The following EMP1 variants were observed in gnomAD, a reference collection of about 807,000 sequenced individuals.
EMP1 encodes the protein tumor-associated membrane protein.
A neutral mutation model predicts 15.7 loss-of-function variants in EMP1; 5 were observed. The ratio of observed to expected loss-of-function variants is 0.32; its 90% CI spans 0.17 to 0.67. The LOEUF (loss-of-function observed/expected upper bound fraction) is 0.67, where lower values mean the gene tolerates loss of function less well. EMP1 is among the 30% of genes least tolerant of loss of function. The probability of loss-of-function intolerance (pLI) is 0.74; values close to 1 mark genes in which losing one functional copy is unlikely to be tolerated. For missense variants in EMP1, 166 were observed against 194.2 expected (o/e 0.85, Z 0.86); for synonymous variants, 78 against 76.7 (o/e 1.02, Z -0.09).
rs142355474 is a variant in EMP1, at chr12:13,219,607, C to T, written c.*4916C>T. ...CTGCTATGAAGACATACTTGAGACTCGGTAATTTATATAGAAAAGAGGTTT... is the reference window on the plus strand; with the variant it reads ...CTGCTATGAAGACATACTTGAGACTTGGTAATTTATATAGAAAAGAGGTTT... On this transcript the variant is annotated 3_prime_UTR_variant, in exon 5 of 5. Transcript: ENST00000256951. The T allele has an allele frequency of 5.3e-5, 8 of 152,028 alleles. No homozygotes were observed. Among genetic ancestry groups the T allele is most frequent in the Admixed American group, 1.3e-4 (2 of 15,260 alleles). 9.4% of individuals were successfully genotyped at this position (152,028 alleles called of 1,614,324 possible).
In EMP1 at chr12:13,215,014, C is replaced by A; in HGVS notation, c.*323C>A. On this transcript the variant is annotated 3_prime_UTR_variant, in exon 5 of 5. Transcript: ENST00000256951. Reference sequence around the variant, plus strand: ...CCATCAGCTGCCACAACACCAGCCCCACTTCTGGGTCATGCACTGAGGTCC... The same window carrying A: ...CCATCAGCTGCCACAACACCAGCCCAACTTCTGGGTCATGCACTGAGGTCC... 1 of 326,326 alleles carries A rather than the reference C, an allele frequency of 3.1e-6. No individual in the cohort carries two copies. The highest frequency in any genetic ancestry group is 5.9e-6 in the Non-Finnish European group (1 of 168,098). The allele number at this position is 326,326 out of a possible 1,614,324, so 20.2% of individuals were successfully genotyped here. A position where few individuals can be genotyped will look rare whatever the true frequency, so the allele number is the denominator to read the frequency against.
chr12:13,209,842 G>T (rs985157344), intron 1 of EMP1, among the ~76,000 whole-genome samples: 2 of 152,146 alleles, frequency 1.3e-5, no homozygotes, highest in Non-Finnish European at 2.9e-5. Flanking sequence ...TGTGTGGGGG[G>T]ATTACTAATA....
At chr12:13,210,652 G>C (rs1006755086) in intron 1 of EMP1, among the ~76,000 whole-genome samples, 3 of 152,204 alleles carry the variant, frequency 2.0e-5, no homozygotes, top group African/African-American at 7.2e-5. Context: ...ACAAGGAGAA[G>C]GCACATTTGG....
In EMP1 at chr12:13,211,398, C is replaced by A; in HGVS notation, c.-42-71C>A. ...TCCTCATGTTAGCAGATAGCCCACACGTGTGGGAAAGCTGAGTCGTCTTAT... is the reference window on the plus strand; with the variant it reads ...TCCTCATGTTAGCAGATAGCCCACAAGTGTGGGAAAGCTGAGTCGTCTTAT... On this transcript the variant is annotated intron_variant, in intron 1 of 4. Coordinates refer to ENST00000256951, the MANE Select transcript of EMP1 (RefSeq NM_001423.3). This position sits in a 1 kb window ranked among gnomAD's most constrained non-coding sequence, Gnocchi z 4.7. The A allele has an allele frequency of 9.8e-7, 1 of 1,017,730 alleles. No homozygotes were observed. Among genetic ancestry groups the A allele is most frequent in the Non-Finnish European group, 1.5e-6 (1 of 656,004 alleles). The allele number at this position is 1,017,730 out of a possible 1,614,324, so 63.0% of individuals were successfully genotyped here.
At chr12:13,213,379 T>C in intron 2 of EMP1, 100 bp from the exon 3 acceptor site, 1 of 1,057,946 alleles carries the variant, frequency 9.5e-7, no homozygotes. Flanking sequence ...AAATAGAATG[T>C]CTTTATTAAA....
At chr12:13,212,136 C>G (rs1048327633) in intron 2 of EMP1, among the ~76,000 whole-genome samples, 4 of 152,024 alleles carry the variant, frequency 2.6e-5, no homozygotes, top group South Asian at 2.1e-4. Context: ...AAATTTTGAG[C>G]AAAGAGTAGC....
At chr12:13,198,344 T>C (rs930417660) in intron 1 of EMP1, among the ~76,000 whole-genome samples, 1 of 152,180 alleles carries the variant, frequency 6.6e-6, no homozygotes, top group African/African-American at 2.4e-5. Context: ...CACTGGTATA[T>C]TTTTTCCCCA....
At position 13,211,632 on chromosome 12, in the gene EMP1, C is replaced by G. The variant is rs373481556; in HGVS notation, c.78+44C>G. On this transcript the variant is annotated intron_variant, in intron 2 of 4. Coordinates refer to ENST00000256951, the MANE Select transcript of EMP1 (RefSeq NM_001423.3). This position sits in a 1 kb window ranked among gnomAD's most constrained non-coding sequence, Gnocchi z 4.7. ...TTCATTCATTCATTGAGAAATCATT[C>G]GAATATTTACATCAAGTGCACAAAA... 1 of 1,601,998 alleles carries G rather than the reference C, an allele frequency of 6.2e-7. No individual in the cohort carries two copies.
rs1201276848 is a variant in EMP1 at position 13,215,593 on chromosome 12, A to G, written c.*902A>G. 1 of 152,278 alleles carries G rather than the reference A, an allele frequency of 6.6e-6. No homozygotes were observed. Among genetic ancestry groups the G allele is most frequent in the African/African-American group, 2.4e-5 (1 of 41,472 alleles). The allele number at this position is 152,278 out of a possible 1,614,324, so 9.4% of individuals were successfully genotyped here. A position where few individuals can be genotyped will look rare whatever the true frequency, so the allele number is the denominator to read the frequency against. On this transcript the variant is annotated 3_prime_UTR_variant, in exon 5 of 5. Coordinates refer to ENST00000256951, the MANE Select transcript of EMP1 (RefSeq NM_001423.3). ...AATGCAGTCAGTGTTTCTTTTAAGT[A>G]TACAACAGGAGAGAGATGGACATGG...
At chr12:13,210,461 A>G (rs75279670) in intron 1 of EMP1, among the ~76,000 whole-genome samples, 42 of 152,176 alleles carry the variant, frequency 2.8e-4, no homozygotes, top group African/African-American at 1.0e-3. Flanking sequence ...CACTTCCTTT[A>G]TTTCCTAGGC....
In EMP1 at chr12:13,219,507, C is replaced by A. The variant is rs1184739082; in HGVS notation, c.*4816C>A. 1.3e-5 allele frequency: 2 copies of A among 152,252 alleles called. No homozygotes were observed. The highest frequency in any genetic ancestry group is 4.8e-5 in the African/African-American group (2 of 41,456). The allele number at this position is 152,252 out of a possible 1,614,324, so 9.4% of individuals were successfully genotyped here. ...TACCCGTTACCCAGTTCCAAAGGTG[C>A]TTCCACACTTTCAAGTATCTTTATA... On this transcript the variant is annotated 3_prime_UTR_variant, in exon 5 of 5. Coordinates refer to ENST00000256951, the MANE Select transcript of EMP1 (RefSeq NM_001423.3).
Position 13,211,367 on chromosome 12 carries a change from A to T in EMP1, c.-42-102A>T. On this transcript the variant is annotated intron_variant, in intron 1 of 4. Transcript: ENST00000256951. This position sits in a 1 kb window ranked among gnomAD's most constrained non-coding sequence, Gnocchi z 4.7. ...ATTAGATTGTGATGGTTTTTAGTGC[A>T]GCTCTTCCTCATGTTAGCAGATAGC... is the stretch of plus-strand genomic sequence containing the variant. The T allele has an allele frequency of 1.3e-6, 1 of 769,602 alleles. No individual in the cohort carries two copies. Among genetic ancestry groups the T allele is most frequent in the South Asian group, 1.6e-5 (1 of 64,066 alleles). 47.7% of individuals were successfully genotyped at this position (769,602 alleles called of 1,614,324 possible).
intron 1 of EMP1, among the ~76,000 whole-genome samples, chr12:13,210,215 A>G (rs1426348545): frequency 6.6e-6 from 1 of 152,238 alleles, no homozygotes; most frequent in African/African-American, 2.4e-5. Context: ...CAAAGCATCA[A>G]TTAAATTAGG....
chr12:13,219,730 A>T lies in EMP1; in HGVS notation c.*5039A>T, dbSNP rs567874463. On this transcript the variant is annotated 3_prime_UTR_variant, in exon 5 of 5. Coordinates refer to ENST00000256951, the MANE Select transcript of EMP1 (RefSeq NM_001423.3). ...TATGATATTAAGAGATTAATTAAAC[A>T]ACAGTGGATGGGGAGGAAGAACAGA... 3 of 152,370 alleles carry T rather than the reference A, an allele frequency of 2.0e-5. No individual in the cohort carries two copies. The highest frequency in any genetic ancestry group is 7.2e-5 in the African/African-American group (3 of 41,584). 9.4% of individuals were successfully genotyped at this position (152,370 alleles called of 1,614,324 possible). A position where few individuals can be genotyped will look rare whatever the true frequency, so the allele number is the denominator to read the frequency against.
At chr12:13,198,705 T>C (rs1864035842) in intron 1 of EMP1, among the ~76,000 whole-genome samples, 1 of 152,200 alleles carries the variant, frequency 6.6e-6, no homozygotes, top group Non-Finnish European at 1.5e-5. Context: ...GCCCTGACAA[T>C]GTTGGGAGTG....
chr12:13,212,231 G>C (rs1163309194), intron 2 of EMP1, among the ~76,000 whole-genome samples: 1 of 152,126 alleles, frequency 6.6e-6, no homozygotes, highest in African/African-American at 2.4e-5. Flanking sequence ...AATGGAGGTA[G>C]TGTCTTTTCT....
rs184279070 is a variant in EMP1, at chr12:13,218,220, C to T, written c.*3529C>T. On this transcript the variant is annotated 3_prime_UTR_variant, in exon 5 of 5. Coordinates refer to ENST00000256951, the MANE Select transcript of EMP1 (RefSeq NM_001423.3). ...TGCCTTGGATTTAGCCATCGCAGTC[C>T]CTGTGTAAAACCCCACCGGCTTTCA... 1.3e-5 allele frequency: 2 copies of T among 152,134 alleles called. No homozygotes were observed. Among genetic ancestry groups the T allele is most frequent in the East Asian group, 3.9e-4 (2 of 5,186 alleles). The allele number at this position is 152,134 out of a possible 1,614,324, so 9.4% of individuals were successfully genotyped here.
At chr12:13,205,462 A>G (rs960968755) in intron 1 of EMP1, among the ~76,000 whole-genome samples, 1 of 152,210 alleles carries the variant, frequency 6.6e-6, no homozygotes, top group Non-Finnish European at 1.5e-5. Context: ...GCAATTTCTG[A>G]AAAATAATAA....
Position 13,216,013 on chromosome 12 carries a change from G to A in EMP1, c.*1322G>A, listed in dbSNP as rs3741814. On this transcript the variant is annotated 3_prime_UTR_variant, in exon 5 of 5. Coordinates refer to ENST00000256951, the MANE Select transcript of EMP1 (RefSeq NM_001423.3). Reference sequence around the variant, plus strand: ...TTAAAATAAAAAAGCAAAAACTCTTGTGGTACCTAGTCAGATGGTAGACGA... The same window carrying A: ...TTAAAATAAAAAAGCAAAAACTCTTATGGTACCTAGTCAGATGGTAGACGA... 3.0e-3 allele frequency: 514 copies of A among 171,476 alleles called. 7 individuals are homozygous for A. Among genetic ancestry groups the A allele is most frequent in the East Asian group, 0.012 (71 of 5,774 alleles). 10.6% of individuals were successfully genotyped at this position (171,476 alleles called of 1,614,324 possible).
Sources: allele counts gnomAD v4.1 joint callset (sites outside exome capture counted in the v4.1 genomes callset), GRCh38; gene constraint gnomAD v4.1.1; non-coding constraint Gnocchi (gnomAD v3.1); transcripts MANE v1.5; gene names NCBI Gene and HGNC (gene_info 2026-07-23, HGNC 2026-07-21).